Variants in PDE4D observed in about 807,000 individuals in gnomAD.
PDE4D encodes 3',5'-cyclic-AMP phosphodiesterase 4D.
PDE4D carries 24 observed loss-of-function variants against 87.4 expected under a neutral mutation model. That is an observed-to-expected ratio of 0.27 (90% CI 0.20 to 0.39). The LOEUF (loss-of-function observed/expected upper bound fraction) is 0.39. Ranked by LOEUF, PDE4D falls within the 10% of genes least tolerant of loss-of-function variation. The probability of loss-of-function intolerance (pLI) is 1.00; values close to 1 mark genes in which losing one functional copy is unlikely to be tolerated. For synonymous variants in PDE4D, 384 were observed against 383.2 expected, an observed-to-expected ratio of 1.00 and a Z score of -0.02; for missense variants, 714 against 1,041.0, an observed-to-expected ratio of 0.69 and a Z score of 4.32.
At chr5:60,269,025 C>T (rs182533586) in intron 1 of PDE4D, among the ~76,000 whole-genome samples, 1 of 152,124 alleles carries the variant, frequency 6.6e-6, no homozygotes, top group African/African-American at 2.4e-5. Flanking sequence ...ATTTCTTGGC[C>T]GGGCGCGGTG....
intron 3 of PDE4D, among the ~76,000 whole-genome samples, chr5:59,927,811 G>A (rs931468683): frequency 6.6e-6 from 1 of 152,144 alleles, no homozygotes; most frequent in African/African-American, 2.4e-5. Context: ...CACTTATACT[G>A]AAACAAAGCT....
chr5:59,125,027 A>G (rs1453916842), intron 5 of PDE4D, among the ~76,000 whole-genome samples: 1 of 151,778 alleles, frequency 6.6e-6, no homozygotes, highest in African/African-American at 2.4e-5. Context: ...TATCTGCTAC[A>G]TGAAGAACGA....
At chr5:60,183,611 T>C (rs1784547474) in intron 2 of PDE4D, among the ~76,000 whole-genome samples, 1 of 152,210 alleles carries the variant, frequency 6.6e-6, no homozygotes, top group Non-Finnish European at 1.5e-5. Flanking sequence ...AAGAGAGGCA[T>C]GTAGGGAGGA....
intron 1 of PDE4D, among the ~76,000 whole-genome samples, chr5:59,874,080 T>A (rs1431543006): frequency 6.6e-6 from 1 of 152,036 alleles, no homozygotes. Context: ...TGGCCGAGTA[T>A]GATGGCTCCC....
intron 1 of PDE4D, among the ~76,000 whole-genome samples, chr5:59,407,367 C>T (rs76976867): frequency 0.015 from 2,263 of 152,282 alleles, 61 homozygotes; most frequent in African/African-American, 0.052. Flanking sequence ...GCCTGCAGAA[C>T]TGCAAGCCAG....
At chr5:60,110,397 G>T (rs1777550547) in intron 2 of PDE4D, among the ~76,000 whole-genome samples, 1 of 151,976 alleles carries the variant, frequency 6.6e-6, no homozygotes, top group Admixed American at 6.6e-5. Context: ...CTTGCAAATG[G>T]CCAACAGGTA....
intron 1 of PDE4D, among the ~76,000 whole-genome samples, chr5:60,247,415 C>T (rs1043892701): frequency 6.6e-6 from 1 of 151,926 alleles, no homozygotes; most frequent in African/African-American, 2.4e-5. Context: ...CTTATTTTCT[C>T]TAGTAAAAAT....
intron 3 of PDE4D, among the ~76,000 whole-genome samples, chr5:59,959,733 A>G (rs949867903): frequency 1.3e-5 from 2 of 152,222 alleles, no homozygotes; most frequent in African/African-American, 4.8e-5. Flanking sequence ...ACCTCAAACT[A>G]TAAAAATCCT....
At chr5:59,856,348 G>A (rs1465156902) in intron 1 of PDE4D, among the ~76,000 whole-genome samples, 1 of 152,078 alleles carries the variant, frequency 6.6e-6, no homozygotes, top group Non-Finnish European at 1.5e-5. Flanking sequence ...CATTTTAGTG[G>A]AAAAGAAAGT....
chr5:60,078,496 G>A (rs1187656753), intron 2 of PDE4D, among the ~76,000 whole-genome samples: 1 of 151,996 alleles, frequency 6.6e-6, no homozygotes. Flanking sequence ...GTGCTATGGT[G>A]GTTTTCTGCA....
intron 5 of PDE4D, among the ~76,000 whole-genome samples, chr5:59,141,938 G>C (rs978812710): frequency 7.9e-5 from 12 of 152,140 alleles, no homozygotes; most frequent in African/African-American, 2.9e-4. Context: ...TGACCCATGG[G>C]ATGTGGTTAA....
intron 1 of PDE4D, among the ~76,000 whole-genome samples, chr5:59,649,902 AACC>A (rs201053611): frequency 0.16 from 6,664 of 42,806 alleles, 628 homozygotes; most frequent in South Asian, 0.25. Flanking sequence ...ATAGTTTGTG[AACC>A]TTTTTTTTTT....
chr5:59,168,425 C>T (rs1279110049), intron 5 of PDE4D, among the ~76,000 whole-genome samples: 1 of 152,152 alleles, frequency 6.6e-6, no homozygotes, highest in Non-Finnish European at 1.5e-5. Flanking sequence ...AATGCTCTGC[C>T]CCTGGGCACT....
intron 1 of PDE4D, among the ~76,000 whole-genome samples, chr5:60,396,651 G>A (rs781722760): frequency 1.1e-4 from 16 of 152,062 alleles, no homozygotes; most frequent in South Asian, 2.1e-4. Context: ...CCTCAGCCTC[G>A]TGAGTAGATG....
intron 2 of PDE4D, among the ~76,000 whole-genome samples, chr5:60,160,260 TTAG>T (rs1336579453): frequency 1.3e-5 from 2 of 152,232 alleles, no homozygotes; most frequent in Non-Finnish European, 2.9e-5. Context: ...CAGTAGGCTA[TTAG>T]TAGTTAACTT....
At chr5:59,553,568 T>C (rs294478) in intron 1 of PDE4D, among the ~76,000 whole-genome samples, 4 of 152,046 alleles carry the variant, frequency 2.6e-5, no homozygotes, top group South Asian at 2.1e-4. Context: ...CTCCTCAACT[T>C]TCTCCATTCT....
In PDE4D at chr5:60,395,927, G is replaced by A. The variant is rs571376420; in HGVS notation, c.-90+92015C>T. On this transcript the variant is annotated intron_variant, in intron 1 of 16. Coordinates refer to the PDE4D transcript ENST00000502484. The stretch of plus-strand genomic sequence containing the variant: ...CACCACCAGGGGACCATGTAGAGTG[G>A]TCCAGGTTGTTTACCACACAAAGGT... 4.6e-5 allele frequency among the ~76,000 whole-genome samples: 7 copies of A among 152,128 alleles called. No individual in the cohort carries two copies. The South Asian group carries it at 1.5e-3, about 32-fold the overall frequency.
intron 1 of PDE4D, among the ~76,000 whole-genome samples, chr5:59,683,941 T>C (rs1580393309): frequency 6.6e-6 from 1 of 152,222 alleles, no homozygotes; most frequent in South Asian, 2.1e-4. Context: ...TCCAAACTAC[T>C]TGCCAAGACC....
At chr5:60,114,627 C>T (rs1777974350) in intron 2 of PDE4D, among the ~76,000 whole-genome samples, 1 of 151,958 alleles carries the variant, frequency 6.6e-6, no homozygotes, top group Non-Finnish European at 1.5e-5. Flanking sequence ...TGATTCATTC[C>T]ACAAGTTTAT....
Sources: allele counts gnomAD v4.1 joint callset (sites outside exome capture counted in the v4.1 genomes callset), GRCh38; gene constraint gnomAD v4.1.1; transcripts MANE v1.5; gene names NCBI Gene and HGNC (gene_info 2026-07-23, HGNC 2026-07-21).